Variants in DDIAS observed in about 807,000 individuals in gnomAD.
DDIAS encodes DNA damage-induced apoptosis suppressor protein.
A neutral mutation model predicts 15.7 loss-of-function variants in DDIAS; 14 were observed. The observed-to-expected ratio is 0.89, with a 90% CI of 0.59 to 1.39. DDIAS has a LOEUF of 1.39. Among genes scored for constraint, DDIAS ranks in the 40% most tolerant of loss-of-function variants. The pLI is 0.00. For synonymous variants in DDIAS, 355 were observed against 395.9 expected, an observed-to-expected ratio of 0.90 and a Z score of 1.23; for missense variants, 1,035 against 1,130.9, an observed-to-expected ratio of 0.92 and a Z score of 1.22.
rs568918637 is a variant in DDIAS, at chr11:82,919,728, CT to C, written c.113+4884del. Among the ~76,000 whole-genome samples the C allele has an allele frequency of 9.2e-5, 14 of 152,184 alleles. No homozygotes were observed. In the South Asian group the frequency reaches 1.0e-3, roughly 11 times the overall value. On this transcript the variant is annotated intron_variant, in intron 3 of 5. Coordinates refer to ENST00000533655, the MANE Select transcript of DDIAS (RefSeq NM_145018.4). ...TGCTGTGAATCCATCTGGTCCCAGA[CT>C]TTTTTTCGTTGGTTTTTTTTGAGAC...
intron 3 of DDIAS, among the ~76,000 whole-genome samples, chr11:82,927,489 T>A (rs1043870223): frequency 1.3e-5 from 2 of 152,200 alleles, no homozygotes; most frequent in Admixed American, 6.5e-5. Flanking sequence ...CTGGCAACAA[T>A]CAAATTTATA....
chr11:82,922,978 A>C (rs1260883150), intron 3 of DDIAS, among the ~76,000 whole-genome samples: 2 of 152,156 alleles, frequency 1.3e-5, no homozygotes, highest in Non-Finnish European at 2.9e-5. Flanking sequence ...CTAGCCATCC[A>C]GCCAGTCTGT....
intron 3 of DDIAS, among the ~76,000 whole-genome samples, chr11:82,918,286 T>C (rs1860671070): frequency 6.6e-6 from 1 of 152,212 alleles, no homozygotes; most frequent in African/African-American, 2.4e-5. Context: ...TTATATAAGA[T>C]TCATTCTCCT....
intron 3 of DDIAS, among the ~76,000 whole-genome samples, chr11:82,926,592 C>G (rs1860867392): frequency 6.6e-6 from 1 of 152,116 alleles, no homozygotes; most frequent in Non-Finnish European, 1.5e-5. Context: ...TTGTCTATAT[C>G]CTTGTTTCTC....
At chr11:82,902,092 TAGAG>T (rs1397782803) in intron 1 of DDIAS, among the ~76,000 whole-genome samples, 5 of 152,090 alleles carry the variant, frequency 3.3e-5, no homozygotes, top group Admixed American at 2.6e-4. Flanking sequence ...GAATCGGAAA[TAGAG>T]AGGAAAAGGC....
Position 82,934,397 on chromosome 11 carries a change from G to T in DDIAS, c.*62G>T. 6.9e-7 allele frequency: 1 copy of T among 1,456,218 alleles called. No individual in the cohort carries two copies. Among genetic ancestry groups the T allele is most frequent in the Non-Finnish European group, 9.2e-7 (1 of 1,083,864 alleles). The allele number at this position is 1,456,218 out of a possible 1,614,324, so 90.2% of individuals were successfully genotyped here. ...TGTTTGGAAATGTTTGCCTTCAGGG[G>T]TACGGAAAGCATTCTTTACATTTTG... On this transcript the variant is annotated 3_prime_UTR_variant, in exon 6 of 6. Coordinates refer to ENST00000533655, the MANE Select transcript of DDIAS (RefSeq NM_145018.4).
At chr11:82,919,689 G>A (rs921182428) in intron 3 of DDIAS, among the ~76,000 whole-genome samples, 3 of 152,166 alleles carry the variant, frequency 2.0e-5, no homozygotes, top group Non-Finnish European at 4.4e-5. Flanking sequence ...TTCTTTGAAT[G>A]TCTGGTAGAA....
At position 82,932,455 on chromosome 11, in the gene DDIAS, T is replaced by G; in HGVS notation, c.1117T>G (p.Phe373Val). 6.2e-7 allele frequency: 1 copy of G among 1,614,196 alleles called. No individual in the cohort carries two copies. The highest frequency in any genetic ancestry group is 8.5e-7 in the Non-Finnish European group (1 of 1,180,036). The change falls in exon 6 of 6, where the codon TTT (phenylalanine) becomes GTT (valine). Residue 373 changes from phenylalanine (F) to valine (V), a missense_variant. By Grantham distance (50) the Phe-to-Val change is conservative. Transcript: ENST00000533655. ...KNRSQHELPC[F>V]QHHGIDTPTS... ...TAGGTCCCAGCATGAGCTACCATGT[T>G]TTCAGCATCATGGTATAGATACCCC...
Position 82,932,384 on chromosome 11 carries a change from A to G in DDIAS, c.1046A>G (p.Glu349Gly). 1.9e-6 allele frequency: 3 copies of G among 1,614,062 alleles called. No individual in the cohort carries two copies. Among genetic ancestry groups the G allele is most frequent in the South Asian group, 1.1e-5 (1 of 91,064 alleles). The change falls in exon 6 of 6, where the codon GAG becomes GGG. Residue 349 changes from glutamate to glycine, a missense_variant. Transcript: ENST00000533655. ...LFSLEMREPL[E>G]SSNTKSFHSA... ...TCTTTGGAAATGCGAGAGCCCCTTGAGTCAAGTAATACAAAATCCTTCCAC... is the reference window on the plus strand; with the variant it reads ...TCTTTGGAAATGCGAGAGCCCCTTGGGTCAAGTAATACAAAATCCTTCCAC...
intron 3 of DDIAS, among the ~76,000 whole-genome samples, chr11:82,925,292 G>A (rs984798501): frequency 5.3e-5 from 8 of 151,590 alleles, no homozygotes; most frequent in Admixed American, 2.0e-4. Context: ...TTAATTTCTC[G>A]TTTTATGAGA....
intron 2 of DDIAS, among the ~76,000 whole-genome samples, chr11:82,914,343 G>A (rs1860587345): frequency 6.6e-6 from 1 of 152,190 alleles, no homozygotes. Context: ...TCAGATTTTG[G>A]GTTTTGGACT....
intron 3 of DDIAS, 111 bp downstream of exon 3, chr11:82,914,962 CAG>C: frequency 6.0e-6 from 4 of 666,872 alleles, no homozygotes; most frequent in Middle Eastern, 3.2e-4. Flanking sequence ...TAGATTCTCT[CAG>C]GGGTTGGTTC....
Position 82,913,402 on chromosome 11 carries a change from C to G in DDIAS, c.-17+16C>G, listed in dbSNP as rs1324942236. The G allele has an allele frequency of 5.0e-6, 1 of 200,544 alleles. No individual in the cohort carries two copies. The highest frequency in any genetic ancestry group is 2.4e-5 in the African/African-American group (1 of 41,782). 12.4% of individuals were successfully genotyped at this position (200,544 alleles called of 1,614,324 possible). A position where few individuals can be genotyped will look rare whatever the true frequency, so the allele number is the denominator to read the frequency against. On this transcript the variant is annotated intron_variant, in intron 2 of 5. Coordinates refer to ENST00000533655, the MANE Select transcript of DDIAS (RefSeq NM_145018.4). ...GGTATTACAGGTACGTGCCACCACA[C>G]TCAGCTAATTCTCTTATATTTTTGT...
At chr11:82,912,880 C>G (rs956333539) in intron 1 of DDIAS, among the ~76,000 whole-genome samples, 1 of 151,982 alleles carries the variant, frequency 6.6e-6, no homozygotes, top group Non-Finnish European at 1.5e-5. Context: ...AATAACTGGC[C>G]TAATTTCAAT....
chr11:82,934,228 G>T lies in DDIAS; in HGVS notation c.2890G>T (p.Gly964Ter). 1 of 1,614,018 alleles carries T rather than the reference G, an allele frequency of 6.2e-7. No homozygotes were observed. The highest frequency in any genetic ancestry group is 8.5e-7 in the Non-Finnish European group (1 of 1,179,962). ...LAAPQLHPIL[G>*]PDSCSEVKCC... Reference sequence around the variant, plus strand: ...AGCACCTCAGCTGCACCCTATTCTTGGACCTGATTCTTGTTCAGAAGTCAA... The same window carrying T: ...AGCACCTCAGCTGCACCCTATTCTTTGACCTGATTCTTGTTCAGAAGTCAA... Residue 964 changes from glycine (G) to a stop codon, truncating the protein, a stop_gained, in exon 6 of 6, where the codon GGA (glycine) becomes TGA (stop). Coordinates refer to ENST00000533655, the MANE Select transcript of DDIAS (RefSeq NM_145018.4). LOFTEE classifies it low-confidence loss of function (END_TRUNC).
intron 3 of DDIAS, among the ~76,000 whole-genome samples, chr11:82,925,008 A>C (rs769810869): frequency 1.3e-5 from 2 of 152,224 alleles, no homozygotes; most frequent in African/African-American, 4.8e-5. Context: ...TCATGAGTGC[A>C]TAATGGAGTT....
At position 82,928,764 on chromosome 11, in the gene DDIAS, A is replaced by G; in HGVS notation, c.114-13A>G. 1 of 1,609,490 alleles carries G rather than the reference A, an allele frequency of 6.2e-7. No individual in the cohort carries two copies. Among genetic ancestry groups the G allele is most frequent in the South Asian group, 1.1e-5 (1 of 89,990 alleles). On this transcript the variant is annotated splice_polypyrimidine_tract_variant and intron_variant, in intron 3 of 5. Coordinates refer to ENST00000533655, the MANE Select transcript of DDIAS (RefSeq NM_145018.4). Reference sequence around the variant, plus strand: ...AATGAACATCTCCACACTTTTTTCCACCACTTTTCTAGGTCTAATTGTCCA... The same window carrying G: ...AATGAACATCTCCACACTTTTTTCCGCCACTTTTCTAGGTCTAATTGTCCA...
intron 3 of DDIAS, among the ~76,000 whole-genome samples, chr11:82,923,058 C>T (rs929479804): frequency 6.6e-6 from 1 of 152,168 alleles, no homozygotes; most frequent in Non-Finnish European, 1.5e-5. Flanking sequence ...ATGGGTGTCT[C>T]GGCCCTGAAT....
chr11:82,924,230 C>T (rs1354487449), intron 3 of DDIAS, among the ~76,000 whole-genome samples: 1 of 152,066 alleles, frequency 6.6e-6, no homozygotes, highest in African/African-American at 2.4e-5. Context: ...AAATATGTCT[C>T]ATTACTTTGT....
Sources: gnomAD v4.1 joint callset for allele counts (sites outside exome capture counted in the v4.1 genomes callset) on GRCh38, gnomAD v4.1.1 for gene constraint, MANE v1.5 for transcripts, NCBI Gene and HGNC (gene_info 2026-07-23, HGNC 2026-07-21) for gene names.